The following KCNQ5 variants were observed in gnomAD, a reference collection of about 807,000 sequenced individuals.
KCNQ5 encodes potassium voltage-gated channel subfamily Q member 5.
Under a neutral mutation model 98.2 loss-of-function variants are expected in KCNQ5, and 30 were observed. The observed-to-expected ratio is 0.31, with a 90% CI of 0.23 to 0.41. The LOEUF is 0.41. KCNQ5 is among the 10% of genes least tolerant of loss of function. KCNQ5 has a pLI of 1.00. For synonymous variants in KCNQ5, 458 were observed against 449.4 expected (o/e 1.02, Z -0.24); for missense variants, 835 against 1,182.5 (o/e 0.71, Z 4.31).
At chr6:72,936,165 A>G (rs1398828938) in intron 1 of KCNQ5, among the ~76,000 whole-genome samples, 1 of 152,244 alleles carries the variant, frequency 6.6e-6, no homozygotes, top group Non-Finnish European at 1.5e-5. Flanking sequence ...AACAGAGTCA[A>G]CCAGAGTCTT....
intron 1 of KCNQ5, among the ~76,000 whole-genome samples, chr6:72,735,375 G>T (rs1770774815): frequency 6.6e-6 from 1 of 152,060 alleles, no homozygotes; most frequent in South Asian, 2.1e-4. Context: ...TTGCATTTTA[G>T]ATGTTTTCAA....
At chr6:73,080,064 T>C (rs1055877624) in intron 5 of KCNQ5, among the ~76,000 whole-genome samples, 16 of 152,194 alleles carry the variant, frequency 1.1e-4, no homozygotes, top group South Asian at 2.1e-4. Flanking sequence ...CATTTCTCCT[T>C]ATTACAAAAA....
chr6:73,018,533 A>G (rs542091955), intron 2 of KCNQ5, among the ~76,000 whole-genome samples: 14 of 151,982 alleles, frequency 9.2e-5, no homozygotes, highest in Non-Finnish European at 2.1e-4. Flanking sequence ...TGATTCATTA[A>G]TTCATTTATT....
At chr6:73,014,925 G>T (rs1319927925) in intron 2 of KCNQ5, among the ~76,000 whole-genome samples, 1 of 152,004 alleles carries the variant, frequency 6.6e-6, no homozygotes. Context: ...GGAAAAATCA[G>T]CCACAAGCAC....
intron 5 of KCNQ5, among the ~76,000 whole-genome samples, chr6:73,095,713 C>G (rs1774455705): frequency 6.6e-6 from 1 of 152,164 alleles, no homozygotes; most frequent in Non-Finnish European, 1.5e-5. Flanking sequence ...AGCCACCCAA[C>G]AAGTCTTCCA....
chr6:73,025,623 CAAAAAAAAAAAAAAAAAAAAAAA>C (rs58607159), intron 2 of KCNQ5, among the ~76,000 whole-genome samples: 2 of 53,002 alleles, frequency 3.8e-5, no homozygotes, highest in East Asian at 1.0e-3. Flanking sequence ...AACTCCATCT[CAAAAAAAAAAAAAAAAAAAAAAA>C]AAAAAAAAAA....
intron 1 of KCNQ5, among the ~76,000 whole-genome samples, chr6:72,946,102 A>T (rs1419108735): frequency 1.3e-5 from 2 of 152,164 alleles, no homozygotes; most frequent in African/African-American, 4.8e-5. Flanking sequence ...GGTCATGCAG[A>T]TATCCATAAG....
At chr6:72,899,822 C>T (rs566783017) in intron 1 of KCNQ5, among the ~76,000 whole-genome samples, 1 of 151,926 alleles carries the variant, frequency 6.6e-6, no homozygotes, top group East Asian at 1.9e-4. Flanking sequence ...CACCCCAAGT[C>T]CCCAAAGTCC....
Position 73,004,064 on chromosome 6 carries a change from A to G in KCNQ5, c.489+66A>G, listed in dbSNP as rs1016819074. On this transcript the variant is annotated intron_variant, in intron 2 of 13. Coordinates refer to ENST00000370398, the MANE Select transcript of KCNQ5 (RefSeq NM_019842.4). The stretch of plus-strand genomic sequence containing the variant: ...AAGAACTGCCTATAACATTTATACT[A>G]TGCATCTTATCCTACAAAAAAATCC... The G allele has an allele frequency of 5.9e-6, 5 of 846,050 alleles. No individual in the cohort carries two copies. In the African/African-American group the frequency reaches 6.8e-5, roughly 11 times the overall value. The allele number at this position is 846,050 out of a possible 1,614,324, so 52.4% of individuals were successfully genotyped here.
intron 2 of KCNQ5, among the ~76,000 whole-genome samples, chr6:73,019,250 G>A (rs774160026): frequency 3.9e-5 from 6 of 152,106 alleles, no homozygotes; most frequent in Admixed American, 1.3e-4. Flanking sequence ...AATTGTTTTC[G>A]TTAGGTCTCT....
chr6:72,768,100 A>G (rs546420103), intron 1 of KCNQ5, among the ~76,000 whole-genome samples: 2 of 152,206 alleles, frequency 1.3e-5, no homozygotes, highest in Middle Eastern at 3.4e-3. Flanking sequence ...CTAAATGTCC[A>G]TGAACTAATG....
At chr6:72,742,468 A>G (rs1392663321) in intron 1 of KCNQ5, among the ~76,000 whole-genome samples, 2 of 152,138 alleles carry the variant, frequency 1.3e-5, no homozygotes. Context: ...GCTGTCCTCC[A>G]GGAGATCAGT....
intron 1 of KCNQ5, among the ~76,000 whole-genome samples, chr6:72,846,713 C>A (rs557009022): frequency 6.6e-6 from 1 of 152,226 alleles, no homozygotes; most frequent in East Asian, 1.9e-4. Context: ...ATGTACCTTC[C>A]TTCCCAAACT....
At chr6:72,905,055 G>A (rs906304150) in intron 1 of KCNQ5, among the ~76,000 whole-genome samples, 2 of 151,902 alleles carry the variant, frequency 1.3e-5, no homozygotes, top group Non-Finnish European at 2.9e-5. Context: ...CTTCTTGGAG[G>A]CTTTGCTTAT....
At chr6:72,962,220 C>CATATATATAT (rs1377452320) in intron 1 of KCNQ5, among the ~76,000 whole-genome samples, 2 of 140,168 alleles carry the variant, frequency 1.4e-5, no homozygotes, top group Admixed American at 7.3e-5. Flanking sequence ...TATATATACA[C>CATATATATAT]ACATATATAT....
chr6:73,016,948 C>T (rs1770372735), intron 2 of KCNQ5, among the ~76,000 whole-genome samples: 1 of 152,114 alleles, frequency 6.6e-6, no homozygotes, highest in African/African-American at 2.4e-5. Context: ...CTCTGGCCTA[C>T]ATATCCCAAC....
At position 72,630,205 on chromosome 6, in the gene KCNQ5, C is replaced by A. The variant is rs546919551; in HGVS notation, c.398+7618C>A. ...AAATGCAATTTAGAAATAAAAAGAACATTAAATTTACTCTTGATAATATAG... is the reference window on the plus strand; with the variant it reads ...AAATGCAATTTAGAAATAAAAAGAAAATTAAATTTACTCTTGATAATATAG... On this transcript the variant is annotated intron_variant, in intron 1 of 13. Coordinates refer to ENST00000370398, the MANE Select transcript of KCNQ5 (RefSeq NM_019842.4). Among the ~76,000 whole-genome samples, 168 of 152,144 alleles carry A rather than the reference C, an allele frequency of 1.1e-3. 1 individual carries two copies. The highest frequency in any genetic ancestry group is 2.0e-3 in the Non-Finnish European group (133 of 67,984).
At chr6:72,872,659 C>T (rs1474182438) in intron 1 of KCNQ5, among the ~76,000 whole-genome samples, 4 of 152,034 alleles carry the variant, frequency 2.6e-5, no homozygotes, top group Non-Finnish European at 4.4e-5. Flanking sequence ...AGGATTTGAA[C>T]CCAGACCATC....
intron 1 of KCNQ5, among the ~76,000 whole-genome samples, chr6:72,796,053 T>C (rs1774320834): frequency 6.6e-6 from 1 of 152,092 alleles, no homozygotes; most frequent in South Asian, 2.1e-4. Flanking sequence ...AGTCACACAC[T>C]CAAATCCAAA....
Sources: gnomAD v4.1 joint callset for allele counts (sites outside exome capture counted in the v4.1 genomes callset) on GRCh38, gnomAD v4.1.1 for gene constraint, MANE v1.5 for transcripts, NCBI Gene and HGNC (gene_info 2026-07-23, HGNC 2026-07-21) for gene names.